Variants in EVC2 observed in about 807,000 individuals in gnomAD.
EVC2 encodes the protein limbin.
A neutral mutation model predicts 149.3 loss-of-function variants in EVC2; 148 were observed. That is an observed-to-expected ratio of 0.99 (90% CI 0.87 to 1.14). EVC2 has a LOEUF of 1.14. Among genes scored for constraint, EVC2 ranks in the 50% most tolerant of loss-of-function variants. The probability of loss-of-function intolerance (pLI) is 0.00; values close to 1 mark genes in which losing one functional copy is unlikely to be tolerated. For synonymous variants in EVC2, 776 were observed against 649.9 expected, an observed-to-expected ratio of 1.19 and a Z score of -2.95; for missense variants, 1,854 against 1,627.3, an observed-to-expected ratio of 1.14 and a Z score of -2.40.
At chr4:5,591,569 T>C (rs1306165548) in intron 16 of EVC2, among the ~76,000 whole-genome samples, 1 of 152,248 alleles carries the variant, frequency 6.6e-6, no homozygotes, top group African/African-American at 2.4e-5. Flanking sequence ...TAAAGATTTA[T>C]TTATGTAAAT....
At chr4:5,655,933 T>C (rs906509998) in intron 9 of EVC2, among the ~76,000 whole-genome samples, 2 of 152,164 alleles carry the variant, frequency 1.3e-5, no homozygotes, top group South Asian at 4.1e-4. Context: ...TGAAGTGAGA[T>C]GGTTCAATTC....
chr4:5,536,587 A>T, the EVC2 span, among the ~76,000 whole-genome samples: 5 of 152,134 alleles, frequency 3.3e-5, no homozygotes, highest in Non-Finnish European at 1.5e-5. Flanking sequence ...GATCGAGACC[A>T]TCTTGGCTAA....
chr4:5,675,885 C>T lies in EVC2; in HGVS notation c.870+5375G>A, dbSNP rs191162533. Among the ~76,000 whole-genome samples the T allele has an allele frequency of 3.3e-3, 506 of 152,200 alleles. 2 individuals are homozygous for T. Among genetic ancestry groups the T allele is most frequent in the African/African-American group, 0.011 (475 of 41,518 alleles). ...CTTGAACCCAGGAGGCAGAGGTTGC[C>T]GTGAGCCGAGATCGCGCCATTGCAC... is the stretch of plus-strand genomic sequence containing the variant. On this transcript the variant is annotated intron_variant, in intron 7 of 21. Coordinates refer to ENST00000344408, the MANE Select transcript of EVC2 (RefSeq NM_147127.5).
chr4:5,635,603 T>C (rs1236938097), intron 10 of EVC2, among the ~76,000 whole-genome samples: 1 of 152,168 alleles, frequency 6.6e-6, no homozygotes, highest in Non-Finnish European at 1.5e-5. Flanking sequence ...CATCACAAAG[T>C]GAAATCACGC....
chr4:5,577,937 T>G, intron 17 of EVC2, among the ~76,000 whole-genome samples: 1 of 151,814 alleles, frequency 6.6e-6, no homozygotes, highest in East Asian at 1.9e-4. Context: ...CCAGCCCACC[T>G]CAAGAAGGGA....
At chr4:5,661,976 C>T (rs1411250094) in intron 9 of EVC2, among the ~76,000 whole-genome samples, 1 of 152,170 alleles carries the variant, frequency 6.6e-6, no homozygotes, top group East Asian at 1.9e-4. Context: ...TCTGCTATTG[C>T]ACATAGGGAG....
chr4:5,594,027 C>T (rs866154781), intron 16 of EVC2, among the ~76,000 whole-genome samples: 38 of 152,288 alleles, frequency 2.5e-4, no homozygotes, highest in South Asian at 1.0e-3. Flanking sequence ...GAGGGGTGCC[C>T]GCCATTGCCC....
intron 17 of EVC2, among the ~76,000 whole-genome samples, chr4:5,583,723 A>G (rs1297576929): frequency 2.0e-5 from 3 of 151,016 alleles, no homozygotes; most frequent in Non-Finnish European, 4.4e-5. Flanking sequence ...ATTGTCTTTT[A>G]TATTTTTTAA....
intron 21 of EVC2, among the ~76,000 whole-genome samples, chr4:5,554,744 A>G (rs1444331547): frequency 6.6e-6 from 1 of 152,192 alleles, no homozygotes; most frequent in East Asian, 1.9e-4. Context: ...TCATAGCCAG[A>G]AGCCCTTCCA....
intron 12 of EVC2, among the ~76,000 whole-genome samples, chr4:5,626,586 G>A (rs990358129): frequency 2.0e-5 from 3 of 151,888 alleles, no homozygotes; most frequent in Admixed American, 1.3e-4. Flanking sequence ...CACCCGCCTC[G>A]GCCTTCCAAA....
intron 18 of EVC2, among the ~76,000 whole-genome samples, chr4:5,575,584 C>T (rs1309703788): frequency 6.6e-6 from 1 of 152,186 alleles, no homozygotes; most frequent in African/African-American, 2.4e-5. Context: ...TTAGCGTGTG[C>T]GTGTGTTTGC....
intron 7 of EVC2, among the ~76,000 whole-genome samples, chr4:5,674,040 A>C (rs1042756409): frequency 1.3e-5 from 2 of 150,214 alleles, no homozygotes; most frequent in Non-Finnish European, 3.0e-5. Context: ...GATGAGACGA[A>C]TGTTTCCTCC....
chr4:5,574,618 T>A, intron 19 of EVC2, 67 bp downstream of exon 19: 1 of 1,493,648 alleles, frequency 6.7e-7, no homozygotes, highest in South Asian at 1.1e-5. Flanking sequence ...GAAATGTGGA[T>A]TCTGAGAAAA....
At chr4:5,595,991 A>C (rs1713373634) in intron 16 of EVC2, among the ~76,000 whole-genome samples, 1 of 152,242 alleles carries the variant, frequency 6.6e-6, no homozygotes, top group African/African-American at 2.4e-5. Context: ...CATAATGGTA[A>C]AGGGATCAAC....
intron 7 of EVC2, among the ~76,000 whole-genome samples, chr4:5,678,860 G>A (rs903960101): frequency 2.0e-5 from 3 of 152,078 alleles, no homozygotes; most frequent in East Asian, 1.9e-4. Flanking sequence ...GTAAAACCCC[G>A]TCTCTACTAA....
At chr4:5,547,293 G>C (rs1365794214) in intron 21 of EVC2, among the ~76,000 whole-genome samples, 1 of 152,264 alleles carries the variant, frequency 6.6e-6, no homozygotes, top group Non-Finnish European at 1.5e-5. Context: ...CCAAAGGGGT[G>C]CTGAAGGCAG....
intron 16 of EVC2, among the ~76,000 whole-genome samples, chr4:5,602,051 A>G (rs926092568): frequency 4.6e-5 from 7 of 152,172 alleles, no homozygotes; most frequent in Admixed American, 4.6e-4. Context: ...AAGGCAGAAG[A>G]AATGCTTGAG....
At chr4:5,587,185 G>GC (rs1385984909) in intron 16 of EVC2, among the ~76,000 whole-genome samples, 1 of 152,092 alleles carries the variant, frequency 6.6e-6, no homozygotes, top group African/African-American at 2.4e-5. Flanking sequence ...GGATTCAGTA[G>GC]CCCCCACCTC....
chr4:5,687,583 G>A (rs1720811937), intron 5 of EVC2, among the ~76,000 whole-genome samples: 1 of 152,142 alleles, frequency 6.6e-6, no homozygotes, highest in Non-Finnish European at 1.5e-5. Context: ...GGTGACTTTG[G>A]GGCAAGGGAC....
Sources: gnomAD v4.1 joint callset for allele counts (sites outside exome capture counted in the v4.1 genomes callset) on GRCh38, gnomAD v4.1.1 for gene constraint, MANE v1.5 for transcripts, NCBI Gene and HGNC (gene_info 2026-07-23, HGNC 2026-07-21) for gene names.